The following MPRIP variants were observed in gnomAD, a reference collection of about 807,000 sequenced individuals.
The protein encoded by MPRIP is myosin phosphatase Rho interacting protein, also known as myosin phosphatase Rho-interacting protein.
MPRIP carries 59 observed loss-of-function variants against 234.9 expected under a neutral mutation model. That is an observed-to-expected ratio of 0.25 (90% CI 0.20 to 0.31). The LOEUF (loss-of-function observed/expected upper bound fraction) is 0.31. MPRIP is among the 10% of genes least tolerant of loss of function. MPRIP has a pLI of 1.00. For missense variants in MPRIP, 2,436 were observed against 3,071.0 expected (o/e 0.79, Z 4.89); for synonymous variants, 1,144 against 1,263.9 (o/e 0.91, Z 2.01).
chr17:17,144,012 A>G (rs1321415029), intron 9 of MPRIP, among the ~76,000 whole-genome samples: 1 of 152,186 alleles, frequency 6.6e-6, no homozygotes, highest in Admixed American at 6.5e-5. Context: ...TTTTTGTGGC[A>G]CTTCGGAGGC....
chr17:17,102,316 A>G (rs1226980528), intron 3 of MPRIP, among the ~76,000 whole-genome samples: 4 of 152,194 alleles, frequency 2.6e-5, no homozygotes, highest in Admixed American at 6.5e-5. Flanking sequence ...TTTGGCCTAC[A>G]TGAGCACCTG....
In MPRIP at chr17:17,167,785, G is replaced by C; in HGVS notation, c.6194G>C (p.Gly2065Ala). The part of the protein sequence containing the change: ...ATQGEADSMT[G>A]LRERIQELEA... Reference sequence around the variant, plus strand: ...CAGGGAGAGGCTGACTCCATGACGGGGCTGAGGGAGCGCATCCAGGAGCTG... The same window carrying C: ...CAGGGAGAGGCTGACTCCATGACGGCGCTGAGGGAGCGCATCCAGGAGCTG... Residue 2065 changes from glycine to alanine, a missense_variant, in exon 16 of 24, where the codon GGG becomes GCG. Physicochemically the swap from Gly to Ala is moderately conservative, Grantham distance 60 (BLOSUM62 0). Transcript: ENST00000651222. This position sits in a 1 kb window ranked among gnomAD's most constrained non-coding sequence, Gnocchi z 5.9. 1 of 1,304,288 alleles carries C rather than the reference G, an allele frequency of 7.7e-7. No homozygotes were observed. 80.8% of individuals were successfully genotyped at this position (1,304,288 alleles called of 1,614,324 possible). A position where few individuals can be genotyped will look rare whatever the true frequency, so the allele number is the denominator to read the frequency against.
At chr17:17,157,805 G>A (rs893221533) in intron 13 of MPRIP, among the ~76,000 whole-genome samples, 6 of 150,674 alleles carry the variant, frequency 4.0e-5, no homozygotes, top group African/African-American at 9.8e-5. Context: ...TCCAGCCTGG[G>A]TAACAAGAGT....
At chr17:17,139,105 C>T (rs2090762199) in intron 7 of MPRIP, among the ~76,000 whole-genome samples, 1 of 152,220 alleles carries the variant, frequency 6.6e-6, no homozygotes. Context: ...ACCAGGGGCA[C>T]AGGTGCAGAA....
At chr17:17,096,341 G>C (rs946183686) in intron 3 of MPRIP, among the ~76,000 whole-genome samples, 7 of 132,252 alleles carry the variant, frequency 5.3e-5, no homozygotes, top group African/African-American at 2.0e-4. Flanking sequence ...GTGTGTGTGT[G>C]TCTCAGAGTC....
intron 22 of MPRIP, among the ~76,000 whole-genome samples, chr17:17,179,340 G>A (rs1473375471): frequency 4.6e-5 from 7 of 151,982 alleles, no homozygotes; most frequent in South Asian, 2.1e-4. Context: ...CCAGCTACTC[G>A]GGAGGCTGAG....
At chr17:17,063,482 G>A (rs1321734740) in intron 1 of MPRIP, among the ~76,000 whole-genome samples, 1 of 152,192 alleles carries the variant, frequency 6.6e-6, no homozygotes, top group Non-Finnish European at 1.5e-5. Context: ...AATAGAAGAT[G>A]TTTGTGTATG....
At chr17:17,120,453 G>A (rs1043535252) in intron 3 of MPRIP, among the ~76,000 whole-genome samples, 5 of 152,132 alleles carry the variant, frequency 3.3e-5, no homozygotes, top group Non-Finnish European at 7.4e-5. Context: ...GCCTCCCATG[G>A]GCCTGTGGAC....
intron 11 of MPRIP, 83 bp downstream of exon 11, chr17:17,147,470 C>G: frequency 7.6e-7 from 1 of 1,314,774 alleles, no homozygotes; most frequent in South Asian, 1.2e-5. Flanking sequence ...CTGCTTCCCC[C>G]TGGGCTAATG....
At chr17:17,168,637 C>A in intron 16 of MPRIP, 1 of 352,468 alleles carries the variant, frequency 2.8e-6, no homozygotes. Context: ...AGCTGTCTGG[C>A]CCCACCCTTT....
chr17:17,111,771 G>A (rs2090176877), intron 3 of MPRIP, among the ~76,000 whole-genome samples: 1 of 152,158 alleles, frequency 6.6e-6, no homozygotes, highest in African/African-American at 2.4e-5. Context: ...TCCTGAGTGT[G>A]ATGTCTGGTC....
intron 3 of MPRIP, among the ~76,000 whole-genome samples, chr17:17,084,592 C>T (rs963778164): frequency 3.9e-5 from 6 of 152,238 alleles, no homozygotes; most frequent in Admixed American, 6.5e-5. Flanking sequence ...GGGATGGTGT[C>T]TTTCCTTCAC....
intron 1 of MPRIP, among the ~76,000 whole-genome samples, chr17:17,043,467 G>T (rs1180356692): frequency 6.6e-6 from 1 of 152,168 alleles, no homozygotes; most frequent in Non-Finnish European, 1.5e-5. Context: ...GGCGAGGAGG[G>T]TCTTGTTCTT....
rs1158798933 is a variant in MPRIP, at chr17:17,165,810, C to A, written c.4219C>A (p.Gln1407Lys). ...LKDVTVRLES[Q>K]QGQSREALLA... ...AGACGTGACCGTGAGGCTGGAGAGC[C>A]AGCAGGGTCAGAGCCGTGAGGCACT... Residue 1407 changes from glutamine to lysine, a missense_variant, in exon 16 of 24, where the codon CAG (glutamine) becomes AAG (lysine). Transcript: ENST00000651222. 1 of 1,304,292 alleles carries A rather than the reference C, an allele frequency of 7.7e-7. No individual in the cohort carries two copies. The highest frequency in any genetic ancestry group is 2.3e-5 in the Admixed American group (1 of 43,578). 80.8% of individuals were successfully genotyped at this position (1,304,292 alleles called of 1,614,324 possible). A position where few individuals can be genotyped will look rare whatever the true frequency, so the allele number is the denominator to read the frequency against.
chr17:17,123,171 G>A lies in MPRIP; in HGVS notation c.268-3531G>A, dbSNP rs143655423. 7.2e-5 allele frequency among the ~76,000 whole-genome samples: 11 copies of A among 152,318 alleles called. No homozygotes were observed. In the East Asian group the frequency reaches 2.1e-3, roughly 29 times the overall value. ...TATCCAGAAGAGATGCATCCACAGA[G>A]GCAGGAAGCAGGTTAGCAGTTGTTG... On this transcript the variant is annotated intron_variant, in intron 3 of 23. Coordinates refer to ENST00000651222, the MANE Select transcript of MPRIP (RefSeq NM_001364716.4).
At chr17:17,171,449 C>T in intron 16 of MPRIP, 1 of 376,540 alleles carries the variant, frequency 2.7e-6, no homozygotes, top group East Asian at 4.9e-5. Context: ...ACCAACTTCT[C>T]CCAGGAAGAA....
chr17:17,105,392 C>G (rs966362461), intron 3 of MPRIP, among the ~76,000 whole-genome samples: 2 of 152,192 alleles, frequency 1.3e-5, no homozygotes, highest in Admixed American at 6.5e-5. Context: ...TACATCCATA[C>G]TCCTAGGGAG....
At chr17:17,126,037 G>A (rs1175482672) in intron 3 of MPRIP, among the ~76,000 whole-genome samples, 7 of 152,204 alleles carry the variant, frequency 4.6e-5, no homozygotes, top group Non-Finnish European at 1.0e-4. Flanking sequence ...CTAGCCCTTT[G>A]CCTCAGTAGG....
chr17:17,172,409 A>G (rs1030481996), intron 17 of MPRIP, among the ~76,000 whole-genome samples: 5 of 152,248 alleles, frequency 3.3e-5, no homozygotes, highest in African/African-American at 9.6e-5. Flanking sequence ...TCATGTTGGA[A>G]TTTAACAATG....
Sources: gnomAD v4.1 joint callset for allele counts (sites outside exome capture counted in the v4.1 genomes callset) on GRCh38, gnomAD v4.1.1 for gene constraint, Gnocchi (gnomAD v3.1) non-coding constraint, MANE v1.5 for transcripts, NCBI Gene and HGNC (gene_info 2026-07-23, HGNC 2026-07-21) for gene names.